Variants in RNF24 observed in about 807,000 individuals in gnomAD.
RNF24 encodes the protein ring finger protein 24.
In RNF24, 14 loss-of-function variants were observed where a neutral mutation model predicts 20.0. That is an observed-to-expected ratio of 0.70 (90% CI 0.46 to 1.10). The LOEUF (loss-of-function observed/expected upper bound fraction) is 1.10, where lower values mean the gene tolerates loss of function less well. Ranked by LOEUF, RNF24 falls within the 50% of genes least tolerant of loss-of-function variation. The pLI is 0.00. For missense variants in RNF24, 124 were observed against 177.6 expected, an observed-to-expected ratio of 0.70 and a Z score of 1.71; for synonymous variants, 45 against 61.1, an observed-to-expected ratio of 0.74 and a Z score of 1.23.
intron 1 of RNF24, among the ~76,000 whole-genome samples, chr20:3,964,489 AT>A (rs2091237764): frequency 6.6e-6 from 1 of 152,102 alleles, no homozygotes; most frequent in African/African-American, 2.4e-5. Flanking sequence ...GTCATATGTT[AT>A]AGTATTAAAG....
intron 2 of RNF24, among the ~76,000 whole-genome samples, chr20:3,959,261 T>C (rs2091175906): frequency 6.6e-6 from 1 of 152,200 alleles, no homozygotes; most frequent in African/African-American, 2.4e-5. Flanking sequence ...GGGATTGCTA[T>C]CTACCCAGCT....
At chr20:3,999,943 C>A (rs906397717) in intron 1 of RNF24, among the ~76,000 whole-genome samples, 1 of 151,746 alleles carries the variant, frequency 6.6e-6, no homozygotes, top group Non-Finnish European at 1.5e-5. Context: ...TATAAGAGGC[C>A]CAGAATAAGC....
At position 3,964,036 on chromosome 20, in the gene RNF24, G is replaced by T; in HGVS notation, c.-7-12C>A. On this transcript the variant is annotated splice_polypyrimidine_tract_variant and intron_variant, in intron 1 of 5. Coordinates refer to ENST00000358395, the MANE Select transcript of RNF24 (RefSeq NM_001134337.3). ...AGCTCATGGATGAACTGTGGGGGAA[G>T]AAAAGAATGGAAAAAAAATAGGTAA... The T allele has an allele frequency of 6.2e-7, 1 of 1,606,188 alleles. No individual in the cohort carries two copies. The highest frequency in any genetic ancestry group is 8.5e-7 in the Non-Finnish European group (1 of 1,177,222).
chr20:3,980,312 A>AC (rs1600685952), intron 1 of RNF24, among the ~76,000 whole-genome samples: 2 of 152,048 alleles, frequency 1.3e-5, no homozygotes, highest in South Asian at 2.1e-4. Context: ...ATGTTCACAG[A>AC]CCCCCACTGG....
chr20:4,015,315 G>A (rs1182430348), intron 1 of RNF24, 122 bp downstream of exon 1: 1 of 152,184 alleles, frequency 6.6e-6, no homozygotes, highest in African/African-American at 2.4e-5. Context: ...GAGTGTGTGT[G>A]TGTGGGAGGC....
At chr20:3,948,095 T>C (rs1307967878) in intron 3 of RNF24, 142 bp downstream of exon 3, 7 of 631,740 alleles carry the variant, frequency 1.1e-5, no homozygotes, top group African/African-American at 1.9e-5. Flanking sequence ...GAAGTTGATA[T>C]ATTATACTGC....
intron 1 of RNF24, among the ~76,000 whole-genome samples, chr20:3,974,000 T>C (rs1045094017): frequency 5.3e-5 from 8 of 150,624 alleles, no homozygotes; most frequent in African/African-American, 1.5e-4. Context: ...AATATGTAAA[T>C]AGAATTTTAC....
chr20:3,948,702 A>T (rs1473127577), intron 2 of RNF24, among the ~76,000 whole-genome samples: 1 of 152,142 alleles, frequency 6.6e-6, no homozygotes, highest in Non-Finnish European at 1.5e-5. Flanking sequence ...AGCCCTCTAA[A>T]ATGATCCTTC....
At chr20:3,976,325 A>C (rs781260467) in intron 1 of RNF24, among the ~76,000 whole-genome samples, 1 of 152,244 alleles carries the variant, frequency 6.6e-6, no homozygotes, top group Non-Finnish European at 1.5e-5. Flanking sequence ...ACAATGAGAA[A>C]TTACTAAATT....
At chr20:3,967,762 G>A (rs1265898807) in intron 1 of RNF24, among the ~76,000 whole-genome samples, 1 of 150,738 alleles carries the variant, frequency 6.6e-6, no homozygotes, top group Non-Finnish European at 1.5e-5. Context: ...TTGGGAGGCT[G>A]AGGCGGGCAG....
At chr20:3,987,018 T>C (rs1029235633) in intron 1 of RNF24, among the ~76,000 whole-genome samples, 1 of 152,220 alleles carries the variant, frequency 6.6e-6, no homozygotes, top group African/African-American at 2.4e-5. Flanking sequence ...AGGGATCCTC[T>C]TACCCTGGCT....
chr20:3,984,772 G>A (rs1001610641), intron 1 of RNF24, among the ~76,000 whole-genome samples: 18 of 151,824 alleles, frequency 1.2e-4, no homozygotes, highest in African/African-American at 4.4e-4. Context: ...TTATTCTTCA[G>A]AGGATAACTC....
chr20:3,980,044 C>T (rs1396716846), intron 1 of RNF24, among the ~76,000 whole-genome samples: 1 of 151,996 alleles, frequency 6.6e-6, no homozygotes, highest in Non-Finnish European at 1.5e-5. Context: ...AACCAAAACA[C>T]TAAGAATGAG....
intron 2 of RNF24, among the ~76,000 whole-genome samples, chr20:3,956,746 TA>T (rs1382710548): frequency 6.6e-6 from 1 of 152,242 alleles, no homozygotes; most frequent in African/African-American, 2.4e-5. Flanking sequence ...AGCTTTCTCA[TA>T]AGTTTATTAA....
chr20:4,014,777 A>ACACACACAC (rs36022688), intron 1 of RNF24, among the ~76,000 whole-genome samples: 1 of 144,344 alleles, frequency 6.9e-6, no homozygotes, highest in Admixed American at 6.8e-5. Context: ...ACACACACAC[A>ACACACACAC]TCATTAGGTC....
chr20:4,000,407 C>A (rs1465489373), intron 1 of RNF24, among the ~76,000 whole-genome samples: 2 of 152,090 alleles, frequency 1.3e-5, no homozygotes, highest in Admixed American at 1.3e-4. Flanking sequence ...TGCCTGTAAT[C>A]CCAGCTACTT....
In RNF24 at chr20:3,933,411, A is replaced by G. The variant is rs969751933; in HGVS notation, c.*652T>C. On this transcript the variant is annotated 3_prime_UTR_variant, in exon 6 of 6. Coordinates refer to ENST00000358395, the MANE Select transcript of RNF24 (RefSeq NM_001134337.3). Reference sequence around the variant, plus strand: ...TACTGGTGCATAGGAGAGGGAAATGATAAGAGGAAATGGCTTCTGACTAGG... The same window carrying G: ...TACTGGTGCATAGGAGAGGGAAATGGTAAGAGGAAATGGCTTCTGACTAGG... 8 of 386,094 alleles carry G rather than the reference A, an allele frequency of 2.1e-5. No homozygotes were observed. The highest frequency in any genetic ancestry group is 1.2e-4 in the African/African-American group (6 of 48,424). 23.9% of individuals were successfully genotyped at this position (386,094 alleles called of 1,614,324 possible). A position where few individuals can be genotyped will look rare whatever the true frequency, so the allele number is the denominator to read the frequency against.
At chr20:3,970,155 C>A (rs2091300184) in intron 1 of RNF24, among the ~76,000 whole-genome samples, 1 of 152,090 alleles carries the variant, frequency 6.6e-6, no homozygotes, top group South Asian at 2.1e-4. Flanking sequence ...TTTACCACCA[C>A]CAAGTGGCAA....
intron 2 of RNF24, among the ~76,000 whole-genome samples, chr20:3,953,781 G>C (rs1329596608): frequency 2.8e-5 from 4 of 142,916 alleles, no homozygotes; most frequent in African/African-American, 1.0e-4. Flanking sequence ...TTTTGAGACA[G>C]AGTCTCACTC....
Sources: gnomAD v4.1 joint callset for allele counts (sites outside exome capture counted in the v4.1 genomes callset) on GRCh38, gnomAD v4.1.1 for gene constraint, MANE v1.5 for transcripts, NCBI Gene and HGNC (gene_info 2026-07-23, HGNC 2026-07-21) for gene names.